The following UBE2G2 variants were observed in gnomAD, a reference collection of about 807,000 sequenced individuals.
The protein encoded by UBE2G2 is ubiquitin conjugating enzyme E2 G2, also known as ubiquitin-conjugating enzyme E2 G2.
UBE2G2 carries 10 observed loss-of-function variants against 23.0 expected under a neutral mutation model. The ratio of observed to expected loss-of-function variants is 0.43; its 90% CI spans 0.27 to 0.74. The LOEUF (loss-of-function observed/expected upper bound fraction) is 0.74, where lower values mean the gene tolerates loss of function less well. Among genes scored for constraint, UBE2G2 ranks in the 30% least tolerant of loss-of-function variants. The probability of loss-of-function intolerance (pLI) is 0.19; values close to 1 mark genes in which losing one functional copy is unlikely to be tolerated. For missense variants in UBE2G2, 150 were observed against 218.3 expected, an observed-to-expected ratio of 0.69 and a Z score of 1.97; for synonymous variants, 86 against 81.3, an observed-to-expected ratio of 1.06 and a Z score of -0.31.
intron 1 of UBE2G2, among the ~76,000 whole-genome samples, chr21:44,796,820 G>C (rs1459506985): frequency 1.3e-5 from 2 of 152,152 alleles, no homozygotes; most frequent in Non-Finnish European, 2.9e-5. Flanking sequence ...TGTTGGTCTG[G>C]GATCATTCTC....
intron 1 of UBE2G2, among the ~76,000 whole-genome samples, chr21:44,791,749 A>G (rs235269): frequency 0.68 from 102,690 of 152,108 alleles, 35,735 homozygotes; most frequent in African/African-American, 0.84. Flanking sequence ...GTGAGAAGAG[A>G]ACAACCATCC....
chr21:44,787,690 C>T (rs1415210421), intron 3 of UBE2G2, among the ~76,000 whole-genome samples: 1 of 152,176 alleles, frequency 6.6e-6, no homozygotes, highest in Non-Finnish European at 1.5e-5. Flanking sequence ...ACATATATTA[C>T]ATAATTATAA....
chr21:44,800,122 G>C lies in UBE2G2; in HGVS notation c.43+1584C>G, dbSNP rs367760052. The C allele has an allele frequency of 6.6e-5, 10 of 152,354 alleles. No individual in the cohort carries two copies. In the South Asian group the frequency reaches 1.9e-3, roughly 28 times the overall value. The allele number at this position is 152,354 out of a possible 1,614,324, so 9.4% of individuals were successfully genotyped here. A position where few individuals can be genotyped will look rare whatever the true frequency, so the allele number is the denominator to read the frequency against. ...CAGTAATAGATTAAAATGTAAGAGA[G>C]AGACACGAAGCGAGCAAAAATGGTG... On this transcript the variant is annotated intron_variant, in intron 1 of 5. Coordinates refer to ENST00000345496, the MANE Select transcript of UBE2G2 (RefSeq NM_003343.6).
chr21:44,786,163 C>T (rs1377659082), intron 3 of UBE2G2, among the ~76,000 whole-genome samples: 2 of 152,242 alleles, frequency 1.3e-5, no homozygotes, highest in South Asian at 2.1e-4. Context: ...CTGCAGCAGG[C>T]GTGCTGCCCC....
At chr21:44,777,978 C>T (rs947245078) in intron 3 of UBE2G2, among the ~76,000 whole-genome samples, 1 of 152,046 alleles carries the variant, frequency 6.6e-6, no homozygotes, top group Non-Finnish European at 1.5e-5. Context: ...GCAGTTTTCA[C>T]ATTTATGAAG....
intron 1 of UBE2G2, among the ~76,000 whole-genome samples, chr21:44,789,452 G>A (rs1411712932): frequency 6.7e-6 from 1 of 148,610 alleles, no homozygotes; most frequent in Non-Finnish European, 1.5e-5. Context: ...CTTCCTTACA[G>A]AGCTATGGAA....
At chr21:44,800,459 AC>A (rs1424743662) in intron 1 of UBE2G2, 1 of 152,250 alleles carries the variant, frequency 6.6e-6, no homozygotes, top group Non-Finnish European at 1.5e-5. Flanking sequence ...TGCAGCACTT[AC>A]ATTGCATTAG....
chr21:44,793,299 G>A (rs374690308), intron 1 of UBE2G2, among the ~76,000 whole-genome samples: 1 of 152,336 alleles, frequency 6.6e-6, no homozygotes, highest in Non-Finnish European at 1.5e-5. Context: ...ATGAAGAAGA[G>A]CTCGTACCAA....
chr21:44,788,287 G>GTTTTTTTTTTT lies in UBE2G2; in HGVS notation c.44-193_44-192insAAAAAAAAAAA, dbSNP rs71326069. 5.2e-5 allele frequency among the ~76,000 whole-genome samples: 7 copies of GTTTTTTTTTTT among 135,594 alleles called. 1 individual carries two copies. The highest frequency in any genetic ancestry group is 8.0e-5 in the Non-Finnish European group (5 of 62,656). 89.0% of individuals were successfully genotyped at this position (135,594 alleles called of 152,430 possible). A position where few individuals can be genotyped will look rare whatever the true frequency, so the allele number is the denominator to read the frequency against. The stretch of plus-strand genomic sequence containing the variant: ...GATAACAACTACACAAAGTTTTTTT[G>GTTTTTTTTTTT]TTTTTTTTTTGTTTTTTTTTGAGAC... On this transcript the variant is annotated intron_variant, in intron 1 of 5. Transcript: ENST00000345496.
chr21:44,774,771 T>C (rs1555960373), intron 4 of UBE2G2: 1 of 455,312 alleles, frequency 2.2e-6, no homozygotes, highest in Admixed American at 2.4e-5. Context: ...AATCAGGAAG[T>C]TTCCCACTTC....
intron 3 of UBE2G2, among the ~76,000 whole-genome samples, chr21:44,779,429 GCCA>G (rs112282894): frequency 2.0e-5 from 3 of 151,666 alleles, no homozygotes; most frequent in African/African-American, 7.3e-5. Context: ...CACAGGGAAC[GCCA>G]CCGAGGGAGG....
intron 1 of UBE2G2, among the ~76,000 whole-genome samples, chr21:44,796,569 A>G (rs1279499743): frequency 1.3e-5 from 2 of 152,232 alleles, no homozygotes; most frequent in East Asian, 3.8e-4. Flanking sequence ...ATTTTATCAC[A>G]TTATTAAGAT....
rs56695709 is a variant in UBE2G2, at chr21:44,789,384, C to CAAAAAAAAA, written c.44-1298_44-1290dup. 1.3e-4 allele frequency: 11 copies of CAAAAAAAAA among 82,238 alleles called. 1 individual carries two copies. Among genetic ancestry groups the CAAAAAAAAA allele is most frequent in the African/African-American group, 2.7e-4 (6 of 21,898 alleles). The allele number at this position is 82,238 out of a possible 1,614,324, so 5.1% of individuals were successfully genotyped here. A position where few individuals can be genotyped will look rare whatever the true frequency, so the allele number is the denominator to read the frequency against. On this transcript the variant is annotated intron_variant, in intron 1 of 5. Transcript: ENST00000345496. Reference sequence around the variant, plus strand: ...TGGGTGACAGAGCAAGACTCTGTCTCAAAAAAAAAAAAAAAAAAAAAGAAT... The same window carrying CAAAAAAAAA: ...TGGGTGACAGAGCAAGACTCTGTCTCAAAAAAAAAAAAAAAAAAAAAAAAAAAAAAGAAT...
intron 3 of UBE2G2, among the ~76,000 whole-genome samples, chr21:44,782,076 AG>A (rs2082961749): frequency 6.6e-6 from 1 of 152,242 alleles, no homozygotes; most frequent in African/African-American, 2.4e-5. Context: ...TTATTTAACT[AG>A]GAAAATAAAA....
intron 1 of UBE2G2, among the ~76,000 whole-genome samples, chr21:44,798,618 A>G (rs1479659967): frequency 4.6e-5 from 7 of 152,074 alleles, no homozygotes; most frequent in Non-Finnish European, 1.0e-4. Context: ...GTAAGACTCA[A>G]CTCCCCATCT....
chr21:44,797,386 A>C (rs2083099433), intron 1 of UBE2G2, among the ~76,000 whole-genome samples: 1 of 152,248 alleles, frequency 6.6e-6, no homozygotes, highest in Non-Finnish European at 1.5e-5. Flanking sequence ...GCCTGAACTT[A>C]ATTTCCTATG....
At chr21:44,793,590 T>C (rs1555963251) in intron 1 of UBE2G2, among the ~76,000 whole-genome samples, 1 of 150,324 alleles carries the variant, frequency 6.7e-6, no homozygotes, top group Non-Finnish European at 1.5e-5. Context: ...TGTTTTTTGC[T>C]TCCAAAGCAT....
intron 3 of UBE2G2, among the ~76,000 whole-genome samples, chr21:44,782,289 C>G (rs774311721): frequency 6.6e-6 from 1 of 152,124 alleles, no homozygotes; most frequent in Non-Finnish European, 1.5e-5. Context: ...CATGGCATTG[C>G]TGAGAATTTT....
In UBE2G2 at chr21:44,783,095, C is replaced by T. The variant is rs147520449; in HGVS notation, c.125+4825G>A. On this transcript the variant is annotated intron_variant, in intron 3 of 5. Transcript: ENST00000345496. ...AACGTTCCATCAACAAGAAAACAAC[C>T]GAATATAAAAATGGGGAAAAGTTCT... Among the ~76,000 whole-genome samples, 683 of 152,134 alleles carry T rather than the reference C, an allele frequency of 4.5e-3. 8 individuals are homozygous for T. The highest frequency in any genetic ancestry group is 0.016 in the African/African-American group (654 of 41,466).
Sources: gnomAD v4.1 joint callset for allele counts (sites outside exome capture counted in the v4.1 genomes callset) on GRCh38, gnomAD v4.1.1 for gene constraint, MANE v1.5 for transcripts, NCBI Gene and HGNC (gene_info 2026-07-23, HGNC 2026-07-21) for gene names.